PPFIA2: variants seen among roughly 807,000 people sequenced by gnomAD.
PPFIA2 encodes the protein PPFI scaffold protein A2.
A neutral mutation model predicts 175.5 loss-of-function variants in PPFIA2; 46 were observed. That is an observed-to-expected ratio of 0.26 (90% CI 0.21 to 0.34). The LOEUF is 0.34. PPFIA2 is among the 10% of genes least tolerant of loss of function. PPFIA2 has a pLI of 1.00. For missense variants in PPFIA2, 1,179 were observed against 1,506.1 expected (o/e 0.78, Z 3.60); for synonymous variants, 568 against 511.4 (o/e 1.11, Z -1.49).
rs531161971 is a variant in PPFIA2, at chr12:81,358,653, G to T, written c.1638-436C>A. On this transcript the variant is annotated intron_variant, in intron 15 of 32. Transcript: ENST00000549396. ...ATCTAGCTAAAAATGTCTGAAATTT[G>T]AGGGTCCCAGAACTTTTCCAATCTT... Among the ~76,000 whole-genome samples the T allele has an allele frequency of 3.9e-5, 6 of 152,022 alleles. 1 individual carries two copies. Among genetic ancestry groups the T allele is most frequent in the Admixed American group, 3.3e-4 (5 of 15,236 alleles).
At chr12:81,508,764 C>T (rs973465604) in intron 4 of PPFIA2, among the ~76,000 whole-genome samples, 6 of 111,978 alleles carry the variant, frequency 5.4e-5, no homozygotes, top group Non-Finnish European at 8.8e-5. Context: ...TCCCTCCCCC[C>T]TCCCCCCACC....
At chr12:81,571,516 AC>A (rs2153414253) in intron 4 of PPFIA2, among the ~76,000 whole-genome samples, 1 of 152,200 alleles carries the variant, frequency 6.6e-6, no homozygotes, top group Non-Finnish European at 1.5e-5. Context: ...CTCTTCACTT[AC>A]AAGTTGTGCC....
At chr12:81,531,004 C>T (rs2064458786) in intron 4 of PPFIA2, among the ~76,000 whole-genome samples, 1 of 151,836 alleles carries the variant, frequency 6.6e-6, no homozygotes, top group African/African-American at 2.4e-5. Flanking sequence ...TTTTAATTAT[C>T]TAAGTTGTTT....
At chr12:81,559,341 ATAGT>A (rs1188693960) in intron 4 of PPFIA2, among the ~76,000 whole-genome samples, 1 of 152,236 alleles carries the variant, frequency 6.6e-6, no homozygotes, top group Non-Finnish European at 1.5e-5. Flanking sequence ...TGCACATATA[ATAGT>A]TAGCAAGGAT....
At chr12:81,585,364 A>C (rs2153434530) in intron 4 of PPFIA2, among the ~76,000 whole-genome samples, 1 of 151,642 alleles carries the variant, frequency 6.6e-6, no homozygotes, top group Non-Finnish European at 1.5e-5. Context: ...TACTTTATAA[A>C]CTTTAGGTTA....
intron 4 of PPFIA2, among the ~76,000 whole-genome samples, chr12:81,565,638 C>T (rs891446456): frequency 6.6e-6 from 1 of 152,166 alleles, no homozygotes; most frequent in Non-Finnish European, 1.5e-5. Flanking sequence ...TGTTTTGCCA[C>T]CACTTCATTT....
intron 7 of PPFIA2, chr12:81,430,809 T>C (rs868596922): frequency 6.6e-6 from 1 of 152,324 alleles, no homozygotes; most frequent in South Asian, 2.1e-4. Context: ...GCAATGGCTA[T>C]GATCCATGGG....
Position 81,362,804 on chromosome 12 carries a change from T to C in PPFIA2, c.1546-20A>G. The C allele has an allele frequency of 6.9e-7, 1 of 1,442,378 alleles. No homozygotes were observed. Among genetic ancestry groups the C allele is most frequent in the Non-Finnish European group, 9.5e-7 (1 of 1,051,040 alleles). The allele number at this position is 1,442,378 out of a possible 1,614,324, so 89.3% of individuals were successfully genotyped here. A position where few individuals can be genotyped will look rare whatever the true frequency, so the allele number is the denominator to read the frequency against. On this transcript the variant is annotated intron_variant, in intron 14 of 32. Transcript: ENST00000549396. ...TCTTTCCTAAAAAATCAAAACAGTG[T>C]TACTCAGATGCCAGTAATATCAGCA...
At chr12:81,357,958 T>C in intron 16 of PPFIA2, 124 bp downstream of exon 16, 1 of 1,020,414 alleles carries the variant, frequency 9.8e-7, no homozygotes, top group East Asian at 2.7e-5. Context: ...AAAAATGTCA[T>C]ACTCTGTGTT....
At chr12:81,448,233 C>A (rs2051700952) in intron 5 of PPFIA2, among the ~76,000 whole-genome samples, 1 of 152,158 alleles carries the variant, frequency 6.6e-6, no homozygotes, top group South Asian at 2.1e-4. Context: ...TTAACTGCTT[C>A]TCCCTACCCT....
chr12:81,757,490 C>G (rs2084869172), intron 2 of PPFIA2, among the ~76,000 whole-genome samples: 1 of 152,074 alleles, frequency 6.6e-6, no homozygotes, highest in South Asian at 2.1e-4. Flanking sequence ...GAAACCTAGT[C>G]AGAGACATTG....
chr12:81,298,494 A>G (rs1882186), intron 23 of PPFIA2: 82,102 of 152,048 alleles, frequency 0.54, 22,798 homozygotes, highest in East Asian at 0.87. Flanking sequence ...AACAACATGT[A>G]TAATTACCTC....
intron 4 of PPFIA2, among the ~76,000 whole-genome samples, chr12:81,667,104 A>G (rs2070475463): frequency 6.6e-6 from 1 of 152,096 alleles, no homozygotes; most frequent in South Asian, 2.1e-4. Context: ...GGGCATATAC[A>G]AAATGTTAAC....
intron 4 of PPFIA2, among the ~76,000 whole-genome samples, chr12:81,495,547 G>A (rs1273350524): frequency 2.0e-5 from 3 of 151,950 alleles, no homozygotes; most frequent in Non-Finnish European, 4.4e-5. Context: ...GCTCATGCCT[G>A]TAATGCCAGC....
At chr12:81,702,792 T>G (rs1331567093) in intron 3 of PPFIA2, among the ~76,000 whole-genome samples, 1 of 152,158 alleles carries the variant, frequency 6.6e-6, no homozygotes, top group East Asian at 1.9e-4. Flanking sequence ...TAATTAGGTT[T>G]AGATATGATT....
chr12:81,277,761 C>T (rs1394840189), intron 27 of PPFIA2, among the ~76,000 whole-genome samples: 2 of 152,078 alleles, frequency 1.3e-5, no homozygotes, highest in Admixed American at 6.6e-5. Flanking sequence ...AATTTAAAGT[C>T]CCCATTATGG....
At chr12:81,502,745 A>G (rs2060718006) in intron 4 of PPFIA2, among the ~76,000 whole-genome samples, 1 of 152,228 alleles carries the variant, frequency 6.6e-6, no homozygotes, top group African/African-American at 2.4e-5. Flanking sequence ...CTCAAATGTT[A>G]ATACCACTGC....
intron 4 of PPFIA2, among the ~76,000 whole-genome samples, chr12:81,611,184 C>T (rs2060868486): frequency 6.6e-6 from 1 of 152,170 alleles, no homozygotes; most frequent in Middle Eastern, 3.4e-3. Context: ...CGCTGTGCCT[C>T]GGTTTCTTTT....
At chr12:81,553,886 T>C (rs1462297151) in intron 4 of PPFIA2, among the ~76,000 whole-genome samples, 1 of 152,008 alleles carries the variant, frequency 6.6e-6, no homozygotes, top group Non-Finnish European at 1.5e-5. Flanking sequence ...GTTTTGATGG[T>C]GATGATGGAG....
Sources: gnomAD v4.1 joint callset for allele counts (sites outside exome capture counted in the v4.1 genomes callset) on GRCh38, gnomAD v4.1.1 for gene constraint, MANE v1.5 for transcripts, NCBI Gene and HGNC (gene_info 2026-07-23, HGNC 2026-07-21) for gene names.